ZNF398: variants seen among roughly 807,000 people sequenced by gnomAD.
The protein encoded by ZNF398 is zinc finger DNA binding protein ZER6.
A neutral mutation model predicts 41.9 loss-of-function variants in ZNF398; 18 were observed. The observed-to-expected ratio is 0.43, with a 90% CI of 0.30 to 0.64. The LOEUF is 0.64. Ranked by LOEUF, ZNF398 falls within the 30% of genes least tolerant of loss-of-function variation. The probability of loss-of-function intolerance (pLI) is 0.14; values close to 1 mark genes in which losing one functional copy is unlikely to be tolerated. For synonymous variants in ZNF398, 260 were observed against 308.8 expected (o/e 0.84, Z 1.66); for missense variants, 669 against 822.8 (o/e 0.81, Z 2.29).
intron 2 of ZNF398, among the ~76,000 whole-genome samples, chr7:149,160,238 A>G (rs1023979605): frequency 6.6e-6 from 1 of 152,116 alleles, no homozygotes; most frequent in African/African-American, 2.4e-5. Flanking sequence ...GGAGATCGAG[A>G]CCATCCTGGC....
intron 2 of ZNF398, among the ~76,000 whole-genome samples, chr7:149,136,687 C>T (rs1826720945): frequency 1.3e-5 from 2 of 152,008 alleles, no homozygotes; most frequent in Admixed American, 6.6e-5. Flanking sequence ...CCTGTCTCAG[C>T]CTCCCATGTA....
chr7:149,166,651 A>T (rs1273516728), intron 3 of ZNF398, among the ~76,000 whole-genome samples, 166 bp from the exon 4 acceptor site: 1 of 152,212 alleles, frequency 6.6e-6, no homozygotes, highest in African/African-American at 2.4e-5. Context: ...GCTTTCCTGA[A>T]TAGATATCCA....
At chr7:149,157,813 G>A (rs1432838856) in intron 2 of ZNF398, among the ~76,000 whole-genome samples, 6 of 147,990 alleles carry the variant, frequency 4.1e-5, no homozygotes, top group Non-Finnish European at 7.4e-5. Context: ...ACTCCAGCCT[G>A]GCGACAGAGT....
At chr7:149,152,446 G>C (rs1476313470) in intron 1 of ZNF398, among the ~76,000 whole-genome samples, 1 of 151,644 alleles carries the variant, frequency 6.6e-6, no homozygotes, top group Non-Finnish European at 1.5e-5. Context: ...ATTTTTAGTA[G>C]AGACAGGGTT....
intron 1 of ZNF398, among the ~76,000 whole-genome samples, chr7:149,127,554 A>AAAAAT (rs1451127475): frequency 1.4e-5 from 2 of 147,142 alleles, no homozygotes; most frequent in African/African-American, 5.0e-5. Flanking sequence ...AATACAAAAA[A>AAAAAT]AAAAAAAAAA....
At chr7:149,132,547 A>AGAC (rs1197843459) in intron 2 of ZNF398, among the ~76,000 whole-genome samples, 1 of 152,112 alleles carries the variant, frequency 6.6e-6, no homozygotes, top group Non-Finnish European at 1.5e-5. Context: ...TGGGACCTCT[A>AGAC]GACCTCAGTG....
upstream of ZNF398, among the ~76,000 whole-genome samples, chr7:149,146,024 C>A (rs1826930336): frequency 6.8e-6 from 1 of 146,658 alleles, no homozygotes; most frequent in African/African-American, 2.5e-5. Context: ...CTGCTCACTG[C>A]AACCTCCGCC....
chr7:149,160,187 C>T (rs2129520767), intron 2 of ZNF398, among the ~76,000 whole-genome samples: 1 of 152,196 alleles, frequency 6.6e-6, no homozygotes, highest in South Asian at 2.1e-4. Flanking sequence ...GCCTGTAATC[C>T]CAGCACTTTG....
chr7:149,155,686 T>C (rs1794949764), intron 2 of ZNF398, among the ~76,000 whole-genome samples: 1 of 95,068 alleles, frequency 1.1e-5, no homozygotes, highest in Non-Finnish European at 2.1e-5. Flanking sequence ...TATTTGGTTA[T>C]ATATATATAT....
Position 149,180,994 on chromosome 7 carries a change from G to T in ZNF398, c.*1193G>T, listed in dbSNP as rs1001266558. The T allele has an allele frequency of 6.6e-6, 1 of 152,608 alleles. No homozygotes were observed. Among genetic ancestry groups the T allele is most frequent in the Non-Finnish European group, 1.5e-5 (1 of 68,042 alleles). The allele number at this position is 152,608 out of a possible 1,614,324, so 9.5% of individuals were successfully genotyped here. A position where few individuals can be genotyped will look rare whatever the true frequency, so the allele number is the denominator to read the frequency against. On this transcript the variant is annotated 3_prime_UTR_variant, in exon 6 of 6. Transcript: ENST00000475153. ...TAGACAACAGTTTGTTCTTGCCTGT[G>T]TTGCTTTTAGGGACTTTGACTACCA...
intron 2 of ZNF398, among the ~76,000 whole-genome samples, chr7:149,156,558 A>G (rs547481335): frequency 4.0e-5 from 6 of 150,644 alleles, no homozygotes; most frequent in Admixed American, 3.3e-4. Flanking sequence ...GAAATAAGGC[A>G]TTAAGAACAG....
chr7:149,133,914 G>A (rs1158103642), intron 2 of ZNF398, among the ~76,000 whole-genome samples: 1 of 149,550 alleles, frequency 6.7e-6, no homozygotes, highest in African/African-American at 2.5e-5. Context: ...ACTGTGCCCG[G>A]CTAATTTTGT....
At chr7:149,149,190 AACTC>A (rs1449739300) in intron 1 of ZNF398, among the ~76,000 whole-genome samples, 2 of 152,152 alleles carry the variant, frequency 1.3e-5, no homozygotes, top group East Asian at 1.9e-4. Context: ...TTATATATCT[AACTC>A]AATATATGCA....
chr7:149,166,335 G>T lies in ZNF398; in HGVS notation c.547+51G>T, dbSNP rs76562187. The T allele has an allele frequency of 7.0e-3, 11,089 of 1,576,880 alleles. 608 individuals carry two copies. The African/African-American group carries it at 0.13, about 18-fold the overall frequency. Reference sequence around the variant, plus strand: ...ATGAAGTGACAGCAGCTCCAAGAGGGCTCAGAACAGTCCCTTTTCCTCCAG... The same window carrying T: ...ATGAAGTGACAGCAGCTCCAAGAGGTCTCAGAACAGTCCCTTTTCCTCCAG... On this transcript the variant is annotated intron_variant, in intron 3 of 5. Transcript: ENST00000475153.
chr7:149,132,620 G>A (rs1826621261), intron 2 of ZNF398, among the ~76,000 whole-genome samples: 1 of 152,150 alleles, frequency 6.6e-6, no homozygotes, highest in South Asian at 2.1e-4. Context: ...GGGGCCCAGA[G>A]ATGGGTTGGA....
chr7:149,170,728 C>T (rs184417602), intron 4 of ZNF398, among the ~76,000 whole-genome samples: 7 of 151,558 alleles, frequency 4.6e-5, no homozygotes, highest in African/African-American at 1.7e-4. Flanking sequence ...GAGCGAGACT[C>T]CATCTCAAAA....
chr7:149,173,332 C>G (rs1795391040), intron 4 of ZNF398, among the ~76,000 whole-genome samples: 1 of 151,886 alleles, frequency 6.6e-6, no homozygotes, highest in African/African-American at 2.4e-5. Context: ...ATCTCGAACT[C>G]CCGACCTCAG....
In ZNF398 at chr7:149,166,834, C is replaced by T; in HGVS notation, c.565C>T (p.Pro189Ser). ...LISMDYAINQ[P>S]DVLSQIQPEG... ...TCTCCTAGATTATGCTATAAATCAACCTGATGTCTTATCTCAGATTCAACC... is the reference window on the plus strand; with the variant it reads ...TCTCCTAGATTATGCTATAAATCAATCTGATGTCTTATCTCAGATTCAACC... The change falls in exon 4 of 6, where the codon CCT (proline) becomes TCT (serine). Residue 189 changes from proline to serine, a missense_variant. Pro to Ser is a moderately conservative substitution (Grantham distance 74). Around this residue, in one of 3 missense-constraint regions of ZNF398, gnomAD observed 169 missense variants for 239.5 expected, o/e 0.71. Coordinates refer to ENST00000475153, the MANE Select transcript of ZNF398 (RefSeq NM_170686.3). The T allele has an allele frequency of 3.1e-6, 5 of 1,611,842 alleles. No individual in the cohort carries two copies. The highest frequency in any genetic ancestry group is 4.2e-6 in the Non-Finnish European group (5 of 1,178,318).
At chr7:149,155,284 G>A (rs1289952424) in intron 2 of ZNF398, among the ~76,000 whole-genome samples, 1 of 152,114 alleles carries the variant, frequency 6.6e-6, no homozygotes, top group African/African-American at 2.4e-5. Context: ...GCTGGGCTTG[G>A]TGGTGGGCGC....
Sources: allele counts gnomAD v4.1 joint callset (sites outside exome capture counted in the v4.1 genomes callset), GRCh38; gene constraint gnomAD v4.1.1; regional missense constraint gnomAD v4.1.1; transcripts MANE v1.5; gene names NCBI Gene and HGNC (gene_info 2026-07-23, HGNC 2026-07-21).